Variants in ZNF738 observed in about 807,000 individuals in gnomAD.
ZNF738 encodes the protein zinc finger protein 738.
ZNF738 carries 10 observed loss-of-function variants against 9.2 expected under a neutral mutation model. That is an observed-to-expected ratio of 1.09 (90% CI 0.67 to 1.85). The LOEUF is 1.85. ZNF738 is among the 40% of genes most tolerant of loss of function. The probability of loss-of-function intolerance (pLI) is 0.00; values close to 1 mark genes in which losing one functional copy is unlikely to be tolerated. For missense variants in ZNF738, 346 were observed against 283.6 expected, an observed-to-expected ratio of 1.22 and a Z score of -1.58; for synonymous variants, 113 against 94.5, an observed-to-expected ratio of 1.20 and a Z score of -1.14.
intron 1 of ZNF738, among the ~76,000 whole-genome samples, chr19:21,360,996 A>G (rs1245630718): frequency 1.3e-5 from 2 of 148,294 alleles, no homozygotes; most frequent in African/African-American, 5.0e-5. Flanking sequence ...GTATTTTTAG[A>G]AGAGATAGGG....
Position 21,381,444 on chromosome 19 carries a change from C to T in ZNF738, c.320-1422C>T. 3 of 1,473,126 alleles carry T rather than the reference C, an allele frequency of 2.0e-6. No homozygotes were observed. The South Asian group carries it at 3.4e-5, about 17-fold the overall frequency. 91.3% of individuals were successfully genotyped at this position (1,473,126 alleles called of 1,614,324 possible). A position where few individuals can be genotyped will look rare whatever the true frequency, so the allele number is the denominator to read the frequency against. ...AGAGTATAAGAAAGGCCATTACAGACCCTGGTTTGGACACCAACTTTTACA... is the reference window on the plus strand; with the variant it reads ...AGAGTATAAGAAAGGCCATTACAGATCCTGGTTTGGACACCAACTTTTACA... On this transcript the variant is annotated intron_variant, in intron 4 of 4. Coordinates refer to ENST00000683779, the MANE Select transcript of ZNF738 (RefSeq NM_001355237.2).
chr19:21,378,585 G>C (rs1973964658), intron 4 of ZNF738: 1 of 357,276 alleles, frequency 2.8e-6, no homozygotes, highest in African/African-American at 2.3e-5. Flanking sequence ...TCTCATAAGA[G>C]TATTCTTGCA....
chr19:21,359,671 A>G (rs945265842), intron 1 of ZNF738, among the ~76,000 whole-genome samples: 9 of 152,162 alleles, frequency 5.9e-5, no homozygotes, highest in Non-Finnish European at 1.3e-4. Context: ...AGGTCAGGAG[A>G]TCAAGACCAT....
In ZNF738 at chr19:21,363,088, A is replaced by G. The variant is rs183299434; in HGVS notation, c.96+1230A>G. On this transcript the variant is annotated intron_variant, in intron 2 of 4. Coordinates refer to ENST00000683779, the MANE Select transcript of ZNF738 (RefSeq NM_001355237.2). Reference sequence around the variant, plus strand: ...TGGTATTGCCTGGAAGTGTTTCCATATGACTAAATGTTTGCTGCATGATTT... The same window carrying G: ...TGGTATTGCCTGGAAGTGTTTCCATGTGACTAAATGTTTGCTGCATGATTT... 4.2e-3 allele frequency among the ~76,000 whole-genome samples: 644 copies of G among 152,306 alleles called. 4 individuals are homozygous for G. Among genetic ancestry groups the G allele is most frequent in the Non-Finnish European group, 5.5e-3 (372 of 68,036 alleles).
In ZNF738 at chr19:21,383,268, T is replaced by C; in HGVS notation, c.722T>C (p.Phe241Ser). The change falls in exon 5 of 5, where the codon TTT becomes TCT. Residue 241 changes from phenylalanine (F) to serine (S), a missense_variant. Coordinates refer to ENST00000683779, the MANE Select transcript of ZNF738 (RefSeq NM_001355237.2). The stretch of plus-strand genomic sequence containing the variant: ...CAATGTGAAGAATGTGGCAAAGCCT[T>C]TAAATGGTTCTCAACCCTTACTAGA... ...SYQCEECGKA[F>S]KWFSTLTRHK... 3 of 1,582,070 alleles carry C rather than the reference T, an allele frequency of 1.9e-6. No individual in the cohort carries two copies. Among genetic ancestry groups the C allele is most frequent in the Non-Finnish European group, 2.6e-6 (3 of 1,154,212 alleles).
At chr19:21,367,146 G>T (rs1973793042) in intron 2 of ZNF738, among the ~76,000 whole-genome samples, 2 of 152,140 alleles carry the variant, frequency 1.3e-5, no homozygotes, top group Non-Finnish European at 2.9e-5. Flanking sequence ...AGAACACAAA[G>T]GATGAAGAAT....
chr19:21,385,193 A>C lies in ZNF738; in HGVS notation c.*1519A>C, dbSNP rs1974053064. Among the ~76,000 whole-genome samples, 1 of 152,202 alleles carries C rather than the reference A, an allele frequency of 6.6e-6. No homozygotes were observed. On this transcript the variant is annotated 3_prime_UTR_variant, in exon 5 of 5. Transcript: ENST00000683779. Reference sequence around the variant, plus strand: ...AGAGTTTGACTGGGTGCGGTGGCTCATGCCTGTAATCCCAGCACTTTGGGA... The same window carrying C: ...AGAGTTTGACTGGGTGCGGTGGCTCCTGCCTGTAATCCCAGCACTTTGGGA...
chr19:21,360,090 A>G (rs888304245), intron 1 of ZNF738, among the ~76,000 whole-genome samples: 3 of 152,280 alleles, frequency 2.0e-5, no homozygotes, highest in Admixed American at 2.0e-4. Context: ...TTTCCTGGTT[A>G]TGTAATCGGA....
chr19:21,383,800 T>A lies in ZNF738; in HGVS notation c.*126T>A, dbSNP rs1468303691. The A allele has an allele frequency of 2.5e-6, 3 of 1,217,826 alleles. No homozygotes were observed. The highest frequency in any genetic ancestry group is 2.4e-5 in the East Asian group (1 of 40,942). The allele number at this position is 1,217,826 out of a possible 1,614,324, so 75.4% of individuals were successfully genotyped here. On this transcript the variant is annotated 3_prime_UTR_variant, in exon 5 of 5. Transcript: ENST00000683779. The stretch of plus-strand genomic sequence containing the variant: ...AACAGTCCTCAAACCTTACTACTCA[T>A]GAAAATTCATTCTGGAGAGAAACCC...
chr19:21,375,945 T>C lies in ZNF738; in HGVS notation c.300T>C (p.Ser100=). 1 of 783,264 alleles carries C rather than the reference T, an allele frequency of 1.3e-6. No homozygotes were observed. The highest frequency in any genetic ancestry group is 2.3e-6 in the Non-Finnish European group (1 of 425,678). 48.5% of individuals were successfully genotyped at this position (783,264 alleles called of 1,614,324 possible). Reference sequence around the variant, plus strand: ...ATCCCTGGAATATGAAGAGACACAGTATGGTAGCCACACCCCCAGGTAGGT... The same window carrying C: ...ATCCCTGGAATATGAAGAGACACAGCATGGTAGCCACACCCCCAGGTAGGT... ...GKDPWNMKRH[S]MVATPPVTYS... The change falls in exon 4 of 5, where the codon AGT becomes AGC. Residue 100 remains serine, a synonymous_variant. Coordinates refer to ENST00000683779, the MANE Select transcript of ZNF738 (RefSeq NM_001355237.2).
chr19:21,368,335 A>T (rs2358990), intron 2 of ZNF738, among the ~76,000 whole-genome samples: 86,008 of 152,052 alleles, frequency 0.57, 24,619 homozygotes, highest in Middle Eastern at 0.69. Context: ...AAATGGTGAC[A>T]TGCATTTGGT....
chr19:21,371,586 C>G (rs1296649800), intron 2 of ZNF738, among the ~76,000 whole-genome samples: 1 of 152,144 alleles, frequency 6.6e-6, no homozygotes, highest in East Asian at 1.9e-4. Context: ...ATAGATGAAG[C>G]AGTCAAGGTC....
Position 21,370,840 on chromosome 19 carries a change from G to A in ZNF738, c.97-4398G>A, listed in dbSNP as rs1031871869. ...ACCTAGAACCTGCACATAAGTTCTGGCCTCTGCCTGGGATTTACAAGACAG... is the reference window on the plus strand; with the variant it reads ...ACCTAGAACCTGCACATAAGTTCTGACCTCTGCCTGGGATTTACAAGACAG... On this transcript the variant is annotated intron_variant, in intron 2 of 4. Transcript: ENST00000683779. 3.0e-4 allele frequency among the ~76,000 whole-genome samples: 45 copies of A among 152,100 alleles called. 1 individual carries two copies. Among genetic ancestry groups the A allele is most frequent in the African/African-American group, 9.7e-4 (40 of 41,412 alleles).
chr19:21,381,301 T>C (rs1974000628), intron 4 of ZNF738: 1 of 1,586,786 alleles, frequency 6.3e-7, no homozygotes, highest in Non-Finnish European at 8.6e-7. Flanking sequence ...ATAATTTGTC[T>C]TCAACATAGT....
rs763326418 is a variant in ZNF738, at chr19:21,375,235, C to T, written c.97-3C>T. 1 of 1,028,816 alleles carries T rather than the reference C, an allele frequency of 9.7e-7. No homozygotes were observed. The highest frequency in any genetic ancestry group is 1.5e-6 in the Non-Finnish European group (1 of 667,316). 63.7% of individuals were successfully genotyped at this position (1,028,816 alleles called of 1,614,324 possible). ...AATATGTGTGTGTGTGTGTGTTTTT[C>T]AGGGGCCGTTGACATTTAGGGATGT... On this transcript the variant is annotated splice_region_variant and splice_polypyrimidine_tract_variant and intron_variant, in intron 2 of 4. Transcript: ENST00000683779.
chr19:21,364,912 ATTTTTTTTT>A (rs71176864), intron 2 of ZNF738, among the ~76,000 whole-genome samples: 1 of 99,246 alleles, frequency 1.0e-5, no homozygotes, highest in African/African-American at 3.9e-5. Flanking sequence ...TACCCAGCTA[ATTTTTTTTT>A]TTTTTTTTTT....
At chr19:21,378,293 G>A (rs755295732) in intron 4 of ZNF738, 13 of 278,842 alleles carry the variant, frequency 4.7e-5, no homozygotes, top group Non-Finnish European at 7.3e-5. Context: ...GTGTATGTGC[G>A]TATCTTTCCC....
In ZNF738 at chr19:21,375,213, A is replaced by ATGTGTG. The variant is rs35659257; in HGVS notation, c.97-13_97-8dup. 9.3e-4 allele frequency: 778 copies of ATGTGTG among 838,922 alleles called. 3 individuals are homozygous for ATGTGTG. Among genetic ancestry groups the ATGTGTG allele is most frequent in the South Asian group, 3.9e-3 (190 of 49,348 alleles). The allele number at this position is 838,922 out of a possible 1,614,324, so 52.0% of individuals were successfully genotyped here. A position where few individuals can be genotyped will look rare whatever the true frequency, so the allele number is the denominator to read the frequency against. On this transcript the variant is annotated intron_variant, in intron 2 of 4. Coordinates refer to ENST00000683779, the MANE Select transcript of ZNF738 (RefSeq NM_001355237.2). ...ATTCTGCCCGTGGACACTTGTAAAT[A>ATGTGTG]TGTGTGTGTGTGTGTGTTTTTCAGG...
Position 21,377,511 on chromosome 19 carries a change from T to TGC in ZNF738, c.319+1548_319+1549dup, listed in dbSNP as rs769132921. 3.2e-5 allele frequency: 20 copies of TGC among 627,134 alleles called. No homozygotes were observed. In the South Asian group the frequency reaches 3.4e-4, roughly 11 times the overall value. 38.8% of individuals were successfully genotyped at this position (627,134 alleles called of 1,614,324 possible). On this transcript the variant is annotated intron_variant, in intron 4 of 4. Transcript: ENST00000683779. ...TGACATACACACAGACACACAGACGTGCACACACACACACACACACACAAA... is the reference window on the plus strand; with the variant it reads ...TGACATACACACAGACACACAGACGTGCGCACACACACACACACACACACAAA...
Sources: allele counts gnomAD v4.1 joint callset (sites outside exome capture counted in the v4.1 genomes callset), GRCh38; gene constraint gnomAD v4.1.1; transcripts MANE v1.5; gene names NCBI Gene and HGNC (gene_info 2026-07-23, HGNC 2026-07-21).